Variants in COL24A1 observed in about 807,000 individuals in gnomAD.
COL24A1 encodes collagen alpha-1(XXIV) chain.
A neutral mutation model predicts 253.9 loss-of-function variants in COL24A1; 224 were observed. That is an observed-to-expected ratio of 0.88 (90% CI 0.79 to 0.99). COL24A1 has a LOEUF of 0.99. Ranked by LOEUF, COL24A1 falls within the 50% of genes least tolerant of loss-of-function variation. The pLI is 0.00. For synonymous variants in COL24A1, 685 were observed against 673.7 expected, an observed-to-expected ratio of 1.02 and a Z score of -0.26; for missense variants, 2,131 against 2,068.5, an observed-to-expected ratio of 1.03 and a Z score of -0.59.
intron 24 of COL24A1, among the ~76,000 whole-genome samples, chr1:85,937,696 T>C (rs992319460): frequency 8.1e-5 from 12 of 147,312 alleles, no homozygotes; most frequent in African/African-American, 3.0e-4. Context: ...CTGCTTCCAC[T>C]GAATATCCAA....
chr1:85,775,628 A>G (rs746231365), intron 53 of COL24A1, 46 bp downstream of exon 53: 33 of 1,499,422 alleles, frequency 2.2e-5, no homozygotes, highest in Middle Eastern at 3.5e-4. Flanking sequence ...TGGAGCTTAT[A>G]GCCTAGTGTC....
rs1187736976 is a variant in COL24A1 at position 85,896,033 on chromosome 1, AGGC to A, written c.2862_2864del (p.Pro955del). The A allele has an allele frequency of 3.0e-5, 49 of 1,612,302 alleles. No homozygotes were observed. In the Middle Eastern group the frequency reaches 6.6e-4, roughly 22 times the overall value. ...TTTTATTACTTACAATAAGACCATGAGGCCCTCTTTTTCCTTGATCTCCTTTTT... is the reference window on the plus strand; with the variant it reads ...TTTTATTACTTACAATAAGACCATGACCTCTTTTTCCTTGATCTCCTTTTT... On this transcript the variant is annotated inframe_deletion, in exon 30 of 60. Coordinates refer to ENST00000370571, the MANE Select transcript of COL24A1 (RefSeq NM_152890.7).
At chr1:85,813,559 T>G (rs1162835183) in intron 47 of COL24A1, among the ~76,000 whole-genome samples, 3 of 92,926 alleles carry the variant, frequency 3.2e-5, no homozygotes, top group Non-Finnish European at 7.4e-5. Flanking sequence ...TTTTTTTTTT[T>G]TTTTTTTTTG....
At chr1:85,831,059 T>C (rs952847990) in intron 43 of COL24A1, among the ~76,000 whole-genome samples, 3 of 152,098 alleles carry the variant, frequency 2.0e-5, no homozygotes, top group Non-Finnish European at 4.4e-5. Flanking sequence ...GAAATCTGTT[T>C]AAGGAAGTGA....
intron 3 of COL24A1, among the ~76,000 whole-genome samples, chr1:86,120,700 TA>T (rs1706661991): frequency 6.6e-6 from 1 of 152,210 alleles, no homozygotes; most frequent in Non-Finnish European, 1.5e-5. Context: ...GATGGGAGTG[TA>T]AACTAGTTCA....
At chr1:86,037,396 C>T (rs955639266) in intron 12 of COL24A1, among the ~76,000 whole-genome samples, 2 of 152,152 alleles carry the variant, frequency 1.3e-5, no homozygotes, top group African/African-American at 2.4e-5. Context: ...AGAGACTTCT[C>T]TTATGAGTTT....
chr1:85,926,638 C>T (rs551680031), intron 24 of COL24A1, among the ~76,000 whole-genome samples: 7 of 146,236 alleles, frequency 4.8e-5, no homozygotes, highest in East Asian at 4.1e-4. Flanking sequence ...GGACACAGGG[C>T]GGGGAACATC....
chr1:86,062,122 C>A (rs1251111108), intron 8 of COL24A1, among the ~76,000 whole-genome samples: 1 of 151,952 alleles, frequency 6.6e-6, no homozygotes, highest in Non-Finnish European at 1.5e-5. Context: ...ATATGTAAAA[C>A]TGAATAATTA....
At chr1:85,913,096 C>T (rs1020407127) in intron 24 of COL24A1, among the ~76,000 whole-genome samples, 1 of 152,054 alleles carries the variant, frequency 6.6e-6, no homozygotes, top group African/African-American at 2.4e-5. Context: ...TTGCTTAAAT[C>T]TAGTTGGAAG....
At chr1:85,874,839 C>A in intron 34 of COL24A1, 137 bp from the exon 35 acceptor site, 1 of 821,884 alleles carries the variant, frequency 1.2e-6, no homozygotes, top group Non-Finnish European at 1.9e-6. Flanking sequence ...AGGAAATGGG[C>A]TGCAAAACAG....
intron 29 of COL24A1, 124 bp from the exon 30 acceptor site, chr1:85,896,189 G>T: frequency 8.3e-7 from 1 of 1,208,300 alleles, no homozygotes; most frequent in South Asian, 1.4e-5. Context: ...TTATTGAAAA[G>T]AAAACATCTC....
chr1:85,808,136 T>C (rs555168711), intron 47 of COL24A1, among the ~76,000 whole-genome samples: 3 of 152,296 alleles, frequency 2.0e-5, no homozygotes, highest in Non-Finnish European at 4.4e-5. Context: ...CTCACCAATA[T>C]AAATCTAATG....
chr1:86,109,520 C>T (rs536829530), intron 5 of COL24A1, among the ~76,000 whole-genome samples: 1 of 152,278 alleles, frequency 6.6e-6, no homozygotes, highest in South Asian at 2.1e-4. Flanking sequence ...CTTAATGAGC[C>T]TAAGCAAGCA....
intron 5 of COL24A1, among the ~76,000 whole-genome samples, chr1:86,105,364 A>G (rs1444202876): frequency 1.3e-5 from 2 of 152,186 alleles, no homozygotes; most frequent in East Asian, 3.8e-4. Flanking sequence ...CAGTGAGGGA[A>G]GGAACAGGTC....
chr1:85,807,930 C>T (rs770789220), intron 47 of COL24A1, among the ~76,000 whole-genome samples: 4 of 152,142 alleles, frequency 2.6e-5, no homozygotes, highest in Non-Finnish European at 5.9e-5. Flanking sequence ...TGGAAGCTTA[C>T]GAGGGTCAAG....
Position 86,126,024 on chromosome 1 carries a change from C to T in COL24A1, c.312G>A (p.Gln104=). ...GTAACCCAGTTAATATTGTAAACGG[C>T]TGCCCCAAGTTGACTGGTAAAATTT... ...FVKILPVNLG[Q]PFTILTGLQS... is the part of the protein sequence containing the mutation. The change falls in exon 3 of 60, where the codon CAG becomes CAA. Residue 104 remains glutamine, a synonymous_variant. Coordinates refer to ENST00000370571, the MANE Select transcript of COL24A1 (RefSeq NM_152890.7). The T allele has an allele frequency of 6.2e-7, 1 of 1,613,610 alleles. No homozygotes were observed. Among genetic ancestry groups the T allele is most frequent in the Non-Finnish European group, 8.5e-7 (1 of 1,179,790 alleles).
At chr1:85,923,736 C>T (rs544272551) in intron 24 of COL24A1, among the ~76,000 whole-genome samples, 44 of 152,252 alleles carry the variant, frequency 2.9e-4, no homozygotes, top group African/African-American at 9.9e-4. Context: ...CTAAAATTAA[C>T]ACCCTAACAT....
At chr1:86,004,897 A>T (rs1695790989) in intron 19 of COL24A1, among the ~76,000 whole-genome samples, 1 of 152,244 alleles carries the variant, frequency 6.6e-6, no homozygotes, top group Non-Finnish European at 1.5e-5. Context: ...GATAAACAGA[A>T]GGAAGCAAGA....
chr1:85,953,681 G>C (rs1690154141), intron 24 of COL24A1, among the ~76,000 whole-genome samples: 1 of 152,120 alleles, frequency 6.6e-6, no homozygotes, highest in African/African-American at 2.4e-5. Flanking sequence ...AGAAACATAA[G>C]TACACGATGA....
Sources: allele counts gnomAD v4.1 joint callset (sites outside exome capture counted in the v4.1 genomes callset), GRCh38; gene constraint gnomAD v4.1.1; transcripts MANE v1.5; gene names NCBI Gene and HGNC (gene_info 2026-07-23, HGNC 2026-07-21).